The following ERI3 variants were observed in gnomAD, a reference collection of about 807,000 sequenced individuals.
The protein encoded by ERI3 is ERI1 exoribonuclease 3.
Under a neutral mutation model 44.4 loss-of-function variants are expected in ERI3, and 18 were observed. The ratio of observed to expected loss-of-function variants is 0.41; its 90% CI spans 0.28 to 0.60. ERI3 has a LOEUF of 0.60. Ranked by LOEUF, ERI3 falls within the 20% of genes least tolerant of loss-of-function variation. The pLI, the probability that ERI3 is intolerant of heterozygous loss-of-function variation, is 0.36. For missense variants in ERI3, 294 were observed against 435.5 expected, an observed-to-expected ratio of 0.68 and a Z score of 2.89; for synonymous variants, 183 against 164.8, an observed-to-expected ratio of 1.11 and a Z score of -0.84.
chr1:44,268,460 T>A (rs1056794987), intron 7 of ERI3, among the ~76,000 whole-genome samples: 3 of 152,118 alleles, frequency 2.0e-5, no homozygotes, highest in African/African-American at 7.2e-5. Context: ...ATTCAGAAAT[T>A]AAAGAGAACT....
In ERI3 at chr1:44,221,811, G is replaced by A. The variant is rs1208566122; in HGVS notation, c.932-171C>T. 6.6e-6 allele frequency among the ~76,000 whole-genome samples: 1 copy of A among 152,170 alleles called. No homozygotes were observed. Among genetic ancestry groups the A allele is most frequent in the Admixed American group, 6.5e-5 (1 of 15,276 alleles). ...CATTCCTAGCTTCAGGTTGGTCTGG[G>A]TGATGCTGGGCCGGCAGGAAGCCTG... is the stretch of plus-strand genomic sequence containing the variant. On this transcript the variant is annotated intron_variant, in intron 8 of 8. Coordinates refer to ENST00000372257, the MANE Select transcript of ERI3 (RefSeq NM_024066.3). The surrounding 1 kb of genome is among the most constrained non-coding windows in gnomAD (Gnocchi z 5.9).
chr1:44,299,776 T>C (rs936878627), intron 6 of ERI3, among the ~76,000 whole-genome samples: 1 of 152,110 alleles, frequency 6.6e-6, no homozygotes, highest in Non-Finnish European at 1.5e-5. Flanking sequence ...ATGGAACCTC[T>C]ATTCCATGCC....
intron 6 of ERI3, among the ~76,000 whole-genome samples, chr1:44,302,897 TGACAAATTACTTACCTCTCTAG>T (rs1407021188): frequency 2.0e-5 from 3 of 152,234 alleles, no homozygotes; most frequent in Non-Finnish European, 4.4e-5. Flanking sequence ...TATGTGCCCT[TGACAAATTACTTACCTCTCTAG>T]GCGTCAGTTT....
chr1:44,221,774 C>T lies in ERI3; in HGVS notation c.932-134G>A, dbSNP rs1166625670. On this transcript the variant is annotated intron_variant, in intron 8 of 8. Transcript: ENST00000372257. This position sits in a 1 kb window ranked among gnomAD's most constrained non-coding sequence, Gnocchi z 5.9. ...AGGCTTTAGAGAGGGTGGTCCCATC[C>T]CCTGGTGGCAGCATTCCTAGCTTCA... 8.8e-6 allele frequency: 6 copies of T among 684,016 alleles called. No individual in the cohort carries two copies. The highest frequency in any genetic ancestry group is 1.5e-5 in the Non-Finnish European group (6 of 389,292). The allele number at this position is 684,016 out of a possible 1,614,324, so 42.4% of individuals were successfully genotyped here. A position where few individuals can be genotyped will look rare whatever the true frequency, so the allele number is the denominator to read the frequency against.
intron 7 of ERI3, among the ~76,000 whole-genome samples, chr1:44,265,067 G>A (rs1393235079): frequency 1.3e-5 from 2 of 152,140 alleles, no homozygotes; most frequent in Non-Finnish European, 1.5e-5. Context: ...AGGCCACCCA[G>A]CCCAACACTC....
chr1:44,302,697 G>A (rs1392398096), intron 6 of ERI3, among the ~76,000 whole-genome samples: 1 of 152,162 alleles, frequency 6.6e-6, no homozygotes, highest in African/African-American at 2.4e-5. Flanking sequence ...GGAACCAACA[G>A]CCCACGGTGT....
At chr1:44,319,594 AGCAGCCCCTGCT>A in intron 4 of ERI3, 22 bp downstream of exon 4, 1 of 1,502,624 alleles carries the variant, frequency 6.7e-7, no homozygotes, top group Non-Finnish European at 9.2e-7. Flanking sequence ...TTCCCCTCCC[AGCAGCCCCTGCT>A]GCCCACTTCC....
At chr1:44,293,261 G>A (rs892739570) in intron 6 of ERI3, among the ~76,000 whole-genome samples, 3 of 152,276 alleles carry the variant, frequency 2.0e-5, no homozygotes, top group African/African-American at 7.2e-5. Context: ...GAGAGTGCAA[G>A]CATGATGCTG....
rs745837687 is a variant in ERI3 at position 44,355,033 on chromosome 1, GC to G, written c.-8del. On this transcript the variant is annotated 5_prime_UTR_variant, in exon 1 of 9. Transcript: ENST00000372257. ...CGGGAGAGGCTGTCGCCATGGCAAC[GC>G]CCCCTCCTCGGGGCCAGCGCGGCAG... The G allele has an allele frequency of 2.8e-5, 38 of 1,381,390 alleles. No homozygotes were observed. Among genetic ancestry groups the G allele is most frequent in the Non-Finnish European group, 3.5e-5 (37 of 1,063,226 alleles). The allele number at this position is 1,381,390 out of a possible 1,614,324, so 85.6% of individuals were successfully genotyped here.
chr1:44,249,270 T>C (rs1644625275), intron 7 of ERI3, among the ~76,000 whole-genome samples: 1 of 152,038 alleles, frequency 6.6e-6, no homozygotes, highest in South Asian at 2.1e-4. Context: ...AGAAGTTGGA[T>C]AGGTGGTCCA....
intron 2 of ERI3, among the ~76,000 whole-genome samples, chr1:44,348,486 C>T (rs909726916): frequency 1.3e-5 from 2 of 152,222 alleles, no homozygotes; most frequent in Non-Finnish European, 1.5e-5. Context: ...AAATTATCCG[C>T]CTTTTGATTT....
At chr1:44,270,627 T>C (rs1022407875) in intron 7 of ERI3, among the ~76,000 whole-genome samples, 2 of 152,168 alleles carry the variant, frequency 1.3e-5, no homozygotes, top group Non-Finnish European at 2.9e-5. Context: ...ATCATGGGAC[T>C]AGGACTAAGA....
intron 5 of ERI3, among the ~76,000 whole-genome samples, chr1:44,312,194 C>T (rs1388892323): frequency 2.0e-5 from 3 of 152,234 alleles, no homozygotes; most frequent in Non-Finnish European, 1.5e-5. Context: ...CCTGCCACTA[C>T]GCTACTTCCT....
chr1:44,340,146 G>A (rs1305492225), intron 2 of ERI3, among the ~76,000 whole-genome samples: 3 of 40,870 alleles, frequency 7.3e-5, no homozygotes, highest in Non-Finnish European at 1.5e-4. Context: ...GAGTGAACAT[G>A]TGCAAAAAAA....
At chr1:44,328,607 T>C (rs1646364490) in intron 3 of ERI3, among the ~76,000 whole-genome samples, 1 of 152,306 alleles carries the variant, frequency 6.6e-6, no homozygotes, top group African/African-American at 2.4e-5. Context: ...TATATTCAGA[T>C]TATATTTCAG....
intron 2 of ERI3, among the ~76,000 whole-genome samples, chr1:44,351,040 T>A (rs997537670): frequency 6.6e-6 from 1 of 152,030 alleles, no homozygotes; most frequent in African/African-American, 2.4e-5. Flanking sequence ...AGCAAACTTT[T>A]TTTTTTTTTT....
At chr1:44,316,337 C>A (rs1400711575) in intron 4 of ERI3, among the ~76,000 whole-genome samples, 3 of 152,180 alleles carry the variant, frequency 2.0e-5, no homozygotes, top group African/African-American at 7.2e-5. Flanking sequence ...TGCTCTGTGG[C>A]TCCTTTCAAT....
intron 7 of ERI3, among the ~76,000 whole-genome samples, chr1:44,270,231 TCATCTTTCTCCTGCCACCACACCC>T (rs1645063255): frequency 6.6e-6 from 1 of 152,176 alleles, no homozygotes; most frequent in Admixed American, 6.5e-5. Context: ...ATAGATAAGT[TCATCTTTCTCCTGCCACCACACCC>T]CATCTTTCTC....
rs772862685 is a variant in ERI3 at position 44,228,898 on chromosome 1, C to T, written c.932-7258G>A. On this transcript the variant is annotated intron_variant, in intron 8 of 8. Transcript: ENST00000372257. The surrounding 1 kb of genome is among the most constrained non-coding windows in gnomAD (Gnocchi z 4.3). ...GATGATACCCAAGACAAACCCTTAT[C>T]CAGACTCCCAGGCCTGGCAGGACAT... Among the ~76,000 whole-genome samples, 3 of 152,238 alleles carry T rather than the reference C, an allele frequency of 2.0e-5. No homozygotes were observed. The highest frequency in any genetic ancestry group is 1.3e-4 in the Admixed American group (2 of 15,284).
Sources: allele counts gnomAD v4.1 joint callset (sites outside exome capture counted in the v4.1 genomes callset), GRCh38; gene constraint gnomAD v4.1.1; non-coding constraint Gnocchi (gnomAD v3.1); transcripts MANE v1.5; gene names NCBI Gene and HGNC (gene_info 2026-07-23, HGNC 2026-07-21).